Variants in KCNH7 observed in about 807,000 individuals in gnomAD.
KCNH7 encodes the protein potassium voltage-gated channel subfamily H member 7, also known as voltage-gated inwardly rectifying potassium channel KCNH7.
A neutral mutation model predicts 120.8 loss-of-function variants in KCNH7; 49 were observed. The observed-to-expected ratio is 0.41, with a 90% CI of 0.32 to 0.51. KCNH7 has a LOEUF of 0.51. KCNH7 is among the 20% of genes least tolerant of loss of function. The pLI, the probability that KCNH7 is intolerant of heterozygous loss-of-function variation, is 0.38. For synonymous variants in KCNH7, 547 were observed against 516.1 expected, an observed-to-expected ratio of 1.06 and a Z score of -0.81; for missense variants, 1,097 against 1,446.6, an observed-to-expected ratio of 0.76 and a Z score of 3.92.
chr2:162,513,434 C>CTTCT (rs1167056617), intron 4 of KCNH7, among the ~76,000 whole-genome samples: 1 of 127,790 alleles, frequency 7.8e-6, no homozygotes, highest in Non-Finnish European at 1.6e-5. Flanking sequence ...TCTTTCCTTC[C>CTTCT]TTCCTTCCTT....
intron 2 of KCNH7, among the ~76,000 whole-genome samples, chr2:162,573,184 C>T (rs948988758): frequency 4.0e-5 from 6 of 151,870 alleles, no homozygotes; most frequent in Admixed American, 2.6e-4. Context: ...TGCAAATTAA[C>T]TTAAAAATGT....
At chr2:162,699,184 T>TA (rs1686402331) in intron 2 of KCNH7, among the ~76,000 whole-genome samples, 1 of 152,012 alleles carries the variant, frequency 6.6e-6, no homozygotes, top group South Asian at 2.1e-4. Context: ...TTATTCCTCT[T>TA]ATGTAACTGA....
At chr2:162,664,058 T>C (rs1685057772) in intron 2 of KCNH7, among the ~76,000 whole-genome samples, 2 of 152,100 alleles carry the variant, frequency 1.3e-5, no homozygotes, top group Non-Finnish European at 2.9e-5. Flanking sequence ...TCCACATTGG[T>C]TCCTCTGTTT....
At chr2:162,478,130 G>A (rs1689809032) in intron 6 of KCNH7, among the ~76,000 whole-genome samples, 1 of 152,196 alleles carries the variant, frequency 6.6e-6, no homozygotes, top group African/African-American at 2.4e-5. Context: ...GTAGAAGATA[G>A]AGGTCAGACT....
At chr2:162,549,991 A>G (rs1295143721) in intron 2 of KCNH7, among the ~76,000 whole-genome samples, 1 of 152,192 alleles carries the variant, frequency 6.6e-6, no homozygotes, top group Non-Finnish European at 1.5e-5. Context: ...AAGAAACAAC[A>G]AATATTCAGA....
At chr2:162,494,841 C>G (rs1269303371) in intron 6 of KCNH7, among the ~76,000 whole-genome samples, 1 of 152,036 alleles carries the variant, frequency 6.6e-6, no homozygotes, top group Non-Finnish European at 1.5e-5. Context: ...AGCTGAAATG[C>G]TCATGAATAT....
chr2:162,548,228 A>T (rs1333161096), intron 2 of KCNH7, among the ~76,000 whole-genome samples: 1 of 152,130 alleles, frequency 6.6e-6, no homozygotes, highest in East Asian at 1.9e-4. Context: ...TTAGTGGGGA[A>T]CACCCTTCTC....
At chr2:162,701,939 G>A (rs1051766981) in intron 2 of KCNH7, among the ~76,000 whole-genome samples, 4 of 151,866 alleles carry the variant, frequency 2.6e-5, no homozygotes, top group Non-Finnish European at 4.4e-5. Flanking sequence ...CTTGGGAGGC[G>A]GAGGTTGCAG....
At chr2:162,616,633 C>G (rs1683150318) in intron 2 of KCNH7, among the ~76,000 whole-genome samples, 1 of 152,112 alleles carries the variant, frequency 6.6e-6, no homozygotes, top group Non-Finnish European at 1.5e-5. Context: ...CTGGTCTCAT[C>G]CTAAACTTCT....
chr2:162,749,592 G>T (rs1266176934), intron 2 of KCNH7, among the ~76,000 whole-genome samples: 2 of 152,106 alleles, frequency 1.3e-5, no homozygotes, highest in East Asian at 3.9e-4. Flanking sequence ...TGGGGGAGGG[G>T]TTAACAAATA....
chr2:162,610,851 G>T (rs1325821909), intron 2 of KCNH7, among the ~76,000 whole-genome samples: 4 of 152,168 alleles, frequency 2.6e-5, no homozygotes, highest in Non-Finnish European at 5.9e-5. Flanking sequence ...GGTATTAAAT[G>T]ATATCCCAAA....
At chr2:162,724,601 G>A (rs1019621883) in intron 2 of KCNH7, among the ~76,000 whole-genome samples, 1 of 149,618 alleles carries the variant, frequency 6.7e-6, no homozygotes, top group African/African-American at 2.5e-5. Flanking sequence ...GAACCCGGGA[G>A]GCGGAGCTTG....
chr2:162,499,251 A>G (rs78656994), intron 6 of KCNH7, among the ~76,000 whole-genome samples: 4,121 of 152,264 alleles, frequency 0.027, 87 homozygotes, highest in Middle Eastern at 0.058. Flanking sequence ...AAAGGGGGCA[A>G]ATATAGCCAA....
intron 6 of KCNH7, among the ~76,000 whole-genome samples, chr2:162,490,711 C>T (rs1055730076): frequency 6.6e-6 from 1 of 152,206 alleles, no homozygotes. Flanking sequence ...CTGCCCATCA[C>T]TCTCAGGGCT....
At chr2:162,376,699 T>C (rs1247684039) in intron 14 of KCNH7, among the ~76,000 whole-genome samples, 1 of 152,090 alleles carries the variant, frequency 6.6e-6, no homozygotes, top group Non-Finnish European at 1.5e-5. Context: ...TGGACATTAC[T>C]GGGAGCTTTT....
intron 2 of KCNH7, among the ~76,000 whole-genome samples, chr2:162,627,960 T>C (rs983243960): frequency 5.3e-5 from 8 of 152,260 alleles, no homozygotes; most frequent in South Asian, 2.1e-4. Context: ...TTGTTGCCCC[T>C]ACTGAAAACA....
chr2:162,670,294 C>T (rs145199550), intron 2 of KCNH7, among the ~76,000 whole-genome samples: 3,665 of 151,016 alleles, frequency 0.024, 159 homozygotes, highest in African/African-American at 0.083. Context: ...GCCAACAAGG[C>T]GAAACCCCAC....
intron 2 of KCNH7, among the ~76,000 whole-genome samples, chr2:162,651,669 T>C (rs1432378091): frequency 2.0e-5 from 3 of 152,300 alleles, no homozygotes; most frequent in East Asian, 3.9e-4. Flanking sequence ...AACATTTGTG[T>C]GCATGGGTGT....
intron 6 of KCNH7, among the ~76,000 whole-genome samples, chr2:162,457,778 TA>T (rs1366327349): frequency 6.6e-6 from 1 of 152,166 alleles, no homozygotes; most frequent in Non-Finnish European, 1.5e-5. Flanking sequence ...GCTGTATTTT[TA>T]TCTATCACAG....
Sources: allele counts gnomAD v4.1 joint callset (sites outside exome capture counted in the v4.1 genomes callset), GRCh38; gene constraint gnomAD v4.1.1; transcripts MANE v1.5; gene names NCBI Gene and HGNC (gene_info 2026-07-23, HGNC 2026-07-21).